Variants in ABCA8 observed in about 807,000 individuals in gnomAD.
ABCA8 encodes the protein ATP binding cassette subfamily A member 8, also known as ABC-type organic anion transporter ABCA8.
ABCA8 carries 177 observed loss-of-function variants against 192.3 expected under a neutral mutation model. That is an observed-to-expected ratio of 0.92 (90% CI 0.81 to 1.04). ABCA8 has a LOEUF of 1.04. ABCA8 is among the 50% of genes least tolerant of loss of function. The pLI is 0.00. For synonymous variants in ABCA8, 642 were observed against 690.2 expected, an observed-to-expected ratio of 0.93 and a Z score of 1.09; for missense variants, 1,915 against 1,904.8, an observed-to-expected ratio of 1.01 and a Z score of -0.10.
chr17:68,916,489 C>T (rs903009588), intron 17 of ABCA8, among the ~76,000 whole-genome samples: 3 of 151,980 alleles, frequency 2.0e-5, no homozygotes, highest in Admixed American at 6.6e-5. Context: ...ATCTCATGTA[C>T]CCCCATAAAT....
At chr17:68,919,552 C>T (rs2067481160) in intron 13 of ABCA8, 76 bp from the exon 14 acceptor site, 18 of 1,278,612 alleles carry the variant, frequency 1.4e-5, no homozygotes, top group South Asian at 4.3e-5. Context: ...ATTAAATGTA[C>T]GTATGACTTT....
rs757295132 is a variant in ABCA8 at position 68,903,323 on chromosome 17, C to T, written c.2575G>A (p.Glu859Lys). Reference sequence around the variant, plus strand: ...TACAGTGCTAAAAGAGCTTTTCTTTCATGCTTTAACTTTAACAAGCGAACC... The same window carrying T: ...TACAGTGCTAAAAGAGCTTTTCTTTTATGCTTTAACTTTAACAAGCGAACC... ...ARVRLLKLKH[E>K]RKALLALLLI... is the part of the protein sequence containing the mutation. Residue 859 changes from glutamate to lysine, a missense_variant, in exon 20 of 40, where the codon GAA (glutamate) becomes AAA (lysine). Transcript: ENST00000586539. 1 of 1,614,144 alleles carries T rather than the reference C, an allele frequency of 6.2e-7. No individual in the cohort carries two copies. The highest frequency in any genetic ancestry group is 1.1e-5 in the South Asian group (1 of 91,076).
chr17:68,891,385 G>A (rs2143385467), intron 24 of ABCA8, 104 bp downstream of exon 24: 1 of 679,614 alleles, frequency 1.5e-6, no homozygotes, highest in Admixed American at 2.9e-5. Flanking sequence ...TGTCTGAATT[G>A]GCTGTTCAAT....
At chr17:68,896,452 A>G (rs1428798185) in intron 21 of ABCA8, among the ~76,000 whole-genome samples, 3 of 152,162 alleles carry the variant, frequency 2.0e-5, no homozygotes, top group Admixed American at 1.3e-4. Context: ...AAAATGAAAA[A>G]TTCCAGAAAT....
rs2067117567 is a variant in ABCA8, at chr17:68,907,820, A to T, written c.2198T>A (p.Ile733Asn). The change falls in exon 18 of 40, where the codon ATC (isoleucine) becomes AAC (asparagine). Residue 733 changes from isoleucine (I) to asparagine (N), a missense_variant. Physicochemically the swap from Ile to Asn is moderately radical, Grantham distance 149. Coordinates refer to ENST00000586539, the MANE Select transcript of ABCA8 (RefSeq NM_001288985.2). ...ENITSLVKQH[I>N]PDAKLSAKSE... ...TTTGGCTGATAATTTGGCATCAGGG[A>T]TGTGCTGTTTAACAAGTGATGTTAT... 1.2e-6 allele frequency: 2 copies of T among 1,610,480 alleles called. No individual in the cohort carries two copies. Among genetic ancestry groups the T allele is most frequent in the Non-Finnish European group, 1.7e-6 (2 of 1,178,448 alleles).
At chr17:68,892,020 C>T (rs2066632833) in intron 23 of ABCA8, among the ~76,000 whole-genome samples, 1 of 152,114 alleles carries the variant, frequency 6.6e-6, no homozygotes, top group South Asian at 2.1e-4. Context: ...TTAGGTACAT[C>T]ATGAGACCAG....
In ABCA8 at chr17:68,911,055, A is replaced by G. The variant is rs138346445; in HGVS notation, c.2139-3176T>C. ...GGGAGAGACTTTCTGCCTGAGGAAA[A>G]GAGAGGGAAGAGTAAAGGGGACTTT... On this transcript the variant is annotated intron_variant, in intron 17 of 39. Coordinates refer to ENST00000586539, the MANE Select transcript of ABCA8 (RefSeq NM_001288985.2). This position sits in a 1 kb window ranked among gnomAD's most constrained non-coding sequence, Gnocchi z 5.7. Among the ~76,000 whole-genome samples, 1 of 152,218 alleles carries G rather than the reference A, an allele frequency of 6.6e-6. No homozygotes were observed. Among genetic ancestry groups the G allele is most frequent in the Non-Finnish European group, 1.5e-5 (1 of 68,004 alleles).
chr17:68,887,468 G>T lies in ABCA8; in HGVS notation c.3183C>A (p.Ser1061=). 6.2e-7 allele frequency: 1 copy of T among 1,612,806 alleles called. No homozygotes were observed. Among genetic ancestry groups the T allele is most frequent in the Non-Finnish European group, 8.5e-7 (1 of 1,179,574 alleles). ...ARSQLRISGL[S]PSAYWFGQAL... ...CCTGCCCAAACCAGTAAGCAGAAGG[G>T]GAGAGTCCGGAAATCCGTAGCTGGG... Residue 1061 remains serine, a synonymous_variant, in exon 25 of 40, where the codon TCC becomes TCA. Coordinates refer to ENST00000586539, the MANE Select transcript of ABCA8 (RefSeq NM_001288985.2).
At chr17:68,923,582 G>A (rs1032213556) in intron 11 of ABCA8, among the ~76,000 whole-genome samples, 1 of 152,144 alleles carries the variant, frequency 6.6e-6, no homozygotes, top group Non-Finnish European at 1.5e-5. Context: ...AGGTGTTAAA[G>A]CGATCAAAGA....
In ABCA8 at chr17:68,922,234, T is replaced by TAAAA; in HGVS notation, c.1501+7_1501+8insTTTT. 1 of 458,410 alleles carries TAAAA rather than the reference T, an allele frequency of 2.2e-6. No individual in the cohort carries two copies. Among genetic ancestry groups the TAAAA allele is most frequent in the African/African-American group, 3.3e-5 (1 of 30,234 alleles). 28.4% of individuals were successfully genotyped at this position (458,410 alleles called of 1,614,324 possible). ...TTTTTTTTTTTTTTTTTTTTTTTTT[T>TAAAA]TTTTTACCTTTCAAGGCTTCTATTT... On this transcript the variant is annotated splice_region_variant and intron_variant, in intron 12 of 39. Coordinates refer to ENST00000586539, the MANE Select transcript of ABCA8 (RefSeq NM_001288985.2).
intron 26 of ABCA8, among the ~76,000 whole-genome samples, chr17:68,886,167 A>T (rs1178773465): frequency 2.0e-5 from 3 of 152,316 alleles, no homozygotes; most frequent in Admixed American, 2.0e-4. Context: ...CTTCCAAACC[A>T]TCATTTTTAT....
intron 2 of ABCA8, among the ~76,000 whole-genome samples, chr17:68,946,836 G>T (rs916123702): frequency 4.6e-5 from 7 of 152,072 alleles, no homozygotes; most frequent in Non-Finnish European, 8.8e-5. Context: ...CGCCACTCAC[G>T]AGGCTGAGGC....
In ABCA8 at chr17:68,919,407, C is replaced by G. The variant is rs1304779141; in HGVS notation, c.1682G>C (p.Gly561Ala). 6.2e-7 allele frequency: 1 copy of G among 1,613,976 alleles called. No homozygotes were observed. Among genetic ancestry groups the G allele is most frequent in the East Asian group, 2.2e-5 (1 of 44,862 alleles). Residue 561 changes from glycine (G) to alanine (A), a missense_variant, in exon 14 of 40, where the codon GGA (glycine) becomes GCA (alanine). By Grantham distance (60) the Gly-to-Ala change is moderately conservative. Transcript: ENST00000586539. ...TTGCACATTGGATTGTGGACAAACTCCGGTCAGCTTGCTGAGATTTTCTAG... is the reference window on the plus strand; with the variant it reads ...TTGCACATTGGATTGTGGACAAACTGCGGTCAGCTTGCTGAGATTTTCTAG... The part of the protein sequence containing the change: ...ADLENLSKLT[G>A]VCPQSNVQFD...
chr17:68,913,474 A>G (rs772301818), intron 17 of ABCA8, among the ~76,000 whole-genome samples: 17 of 151,994 alleles, frequency 1.1e-4, no homozygotes, highest in Non-Finnish European at 2.2e-4. Flanking sequence ...AACAAAATGG[A>G]CAAACTTTTA....
intron 3 of ABCA8, among the ~76,000 whole-genome samples, chr17:68,941,444 T>G (rs2068227580): frequency 6.6e-6 from 1 of 152,152 alleles, no homozygotes; most frequent in African/African-American, 2.4e-5. Context: ...TTAATCAAGA[T>G]TTTTTATATG....
At chr17:68,896,779 T>C (rs2066772259) in intron 21 of ABCA8, among the ~76,000 whole-genome samples, 1 of 152,204 alleles carries the variant, frequency 6.6e-6, no homozygotes, top group Non-Finnish European at 1.5e-5. Flanking sequence ...GTGAAAGTTA[T>C]TGACTTAATA....
intron 23 of ABCA8, 110 bp from the exon 24 acceptor site, chr17:68,891,706 CTT>C: frequency 1.4e-6 from 1 of 731,608 alleles, no homozygotes; most frequent in East Asian, 3.0e-5. Context: ...CCTTAGGTCC[CTT>C]TTGAGATTCC....
intron 2 of ABCA8, among the ~76,000 whole-genome samples, chr17:68,947,201 T>A (rs916648990): frequency 6.6e-6 from 1 of 152,212 alleles, no homozygotes; most frequent in Admixed American, 6.5e-5. Context: ...TTCTTCTACA[T>A]GGACATTAGA....
chr17:68,928,161 C>T lies in ABCA8; in HGVS notation c.1126-98G>A, dbSNP rs906850719. ...GTAATGAAATGACTACTTATTGCCT[C>T]ATACTGAGAATAGAGTTATATAGGG... On this transcript the variant is annotated intron_variant, in intron 9 of 39. Transcript: ENST00000586539. 19 of 985,428 alleles carry T rather than the reference C, an allele frequency of 1.9e-5. No individual in the cohort carries two copies. The Admixed American group carries it at 4.9e-4, about 25-fold the overall frequency. 61.0% of individuals were successfully genotyped at this position (985,428 alleles called of 1,614,324 possible). A position where few individuals can be genotyped will look rare whatever the true frequency, so the allele number is the denominator to read the frequency against.
Sources: gnomAD v4.1 joint callset for allele counts (sites outside exome capture counted in the v4.1 genomes callset) on GRCh38, gnomAD v4.1.1 for gene constraint, Gnocchi (gnomAD v3.1) non-coding constraint, MANE v1.5 for transcripts, NCBI Gene and HGNC (gene_info 2026-07-23, HGNC 2026-07-21) for gene names.